CDH23: variants seen among roughly 807,000 people sequenced by gnomAD.
The protein encoded by CDH23 is cadherin related 23.
A neutral mutation model predicts 317.1 loss-of-function variants in CDH23; 189 were observed. The observed-to-expected ratio is 0.60, with a 90% CI of 0.53 to 0.67. The LOEUF (loss-of-function observed/expected upper bound fraction) is 0.67. Ranked by LOEUF, CDH23 falls within the 30% of genes least tolerant of loss-of-function variation. CDH23 has a pLI of 0.00. For missense variants in CDH23, 4,401 were observed against 4,592.4 expected (o/e 0.96, Z 1.20); for synonymous variants, 1,839 against 1,876.8 (o/e 0.98, Z 0.52).
Position 71,779,442 on chromosome 10 carries a change from C to T in CDH23, c.5363C>T (p.Pro1788Leu), listed in dbSNP as rs564555435. Residue 1788 changes from proline (P) to leucine (L), a missense_variant, in exon 41 of 70, where the codon CCT becomes CTT. Coordinates refer to ENST00000224721, the MANE Select transcript of CDH23 (RefSeq NM_022124.6). ...QVEYSIMDGD[P>L]LGEFVISPVE... ...GAGTACAGCATCATGGATGGAGACC[C>T]TCTGGGTGAGTGGGGCTTGGGGCAT... The T allele has an allele frequency of 1.1e-4, 182 of 1,600,664 alleles. No individual in the cohort carries two copies. The highest frequency in any genetic ancestry group is 1.0e-3 in the Middle Eastern group (6 of 6,028).
At chr10:71,461,206 A>G (rs7920981) in intron 3 of CDH23, among the ~76,000 whole-genome samples, 60,149 of 151,750 alleles carry the variant, frequency 0.4, 13,088 homozygotes, top group East Asian at 0.6. Flanking sequence ...CCAAACCACA[A>G]ACTCTTTGGA....
At position 71,646,521 on chromosome 10, in the gene CDH23, C is replaced by T; in HGVS notation, c.1353C>T (p.Ile451=). 6.2e-7 allele frequency: 1 copy of T among 1,613,946 alleles called. No individual in the cohort carries two copies. Among genetic ancestry groups the T allele is most frequent in the Non-Finnish European group, 8.5e-7 (1 of 1,179,886 alleles). Residue 451 remains isoleucine (I), a synonymous_variant, in exon 14 of 70, where the codon ATC becomes ATT. Coordinates refer to ENST00000224721, the MANE Select transcript of CDH23 (RefSeq NM_022124.6). The part of the protein sequence containing the change: ...VGYAKVKITL[I]NENDNRPIFS... ...ATGCCAAGGTGAAGATCACTCTCAT[C>T]AATGAAAATGACAACCGGCCCATCT...
intron 1 of CDH23, among the ~76,000 whole-genome samples, chr10:71,402,014 T>TA (rs1847803065): frequency 6.6e-6 from 1 of 152,232 alleles, no homozygotes; most frequent in Non-Finnish European, 1.5e-5. Flanking sequence ...CTGGCATATT[T>TA]AAAACGTAGC....
chr10:71,400,857 C>A (rs1847747545), intron 1 of CDH23, among the ~76,000 whole-genome samples: 1 of 152,160 alleles, frequency 6.6e-6, no homozygotes, highest in Admixed American at 6.5e-5. Context: ...TAATAAGTCT[C>A]ACTGTTTTCT....
chr10:71,690,686 C>A, intron 20 of CDH23, 102 bp downstream of exon 20: 1 of 743,104 alleles, frequency 1.3e-6, no homozygotes, highest in Non-Finnish European at 2.4e-6. Flanking sequence ...CCCTTCCTTT[C>A]AGTTTTGAGC....
intron 69 of CDH23, among the ~76,000 whole-genome samples, chr10:71,813,898 T>C (rs9415052): frequency 0.39 from 59,710 of 151,832 alleles, 12,338 homozygotes; most frequent in South Asian, 0.5. Flanking sequence ...AGAGTGAGAC[T>C]TGTCTCAAAA....
intron 11 of CDH23, among the ~76,000 whole-genome samples, chr10:71,640,981 GATGCCT>G (rs1191532518): frequency 6.6e-6 from 1 of 152,164 alleles, no homozygotes; most frequent in Non-Finnish European, 1.5e-5. Context: ...ATAGAATGCG[GATGCCT>G]ATGCTTCCAC....
intron 3 of CDH23, among the ~76,000 whole-genome samples, chr10:71,454,133 C>G (rs1850578829): frequency 6.6e-6 from 1 of 152,272 alleles, no homozygotes; most frequent in African/African-American, 2.4e-5. Context: ...ATCAAACATT[C>G]CCACTTTGAA....
intron 48 of CDH23, 98 bp downstream of exon 48, chr10:71,793,738 G>T: frequency 1.1e-6 from 1 of 931,326 alleles, no homozygotes; most frequent in South Asian, 1.8e-5. Flanking sequence ...TTTCTTTGCT[G>T]TTCCCTTGCT....
intron 11 of CDH23, among the ~76,000 whole-genome samples, chr10:71,626,363 T>A (rs1045663425): frequency 6.6e-6 from 1 of 152,244 alleles, no homozygotes; most frequent in South Asian, 2.1e-4. Context: ...CTGGCATCCT[T>A]AGCCTTAGCC....
In CDH23 at chr10:71,778,263, A is replaced by G; in HGVS notation, c.5142A>G (p.Thr1714=). 1 of 1,613,908 alleles carries G rather than the reference A, an allele frequency of 6.2e-7. No individual in the cohort carries two copies. The highest frequency in any genetic ancestry group is 8.5e-7 in the Non-Finnish European group (1 of 1,179,870). Residue 1714 remains threonine (T), a synonymous_variant, in exon 40 of 70, where the codon ACA becomes ACG. Transcript: ENST00000224721. ...GCTACACCCTGATCGTCACTGCCACAGACCAGTGCCCCATCTTATCCCACC... is the reference window on the plus strand; with the variant it reads ...GCTACACCCTGATCGTCACTGCCACGGACCAGTGCCCCATCTTATCCCACC... ...HGRYTLIVTA[T]DQCPILSHRL...
chr10:71,776,426 A>G (rs1430081666), intron 38 of CDH23, among the ~76,000 whole-genome samples: 4 of 152,244 alleles, frequency 2.6e-5, no homozygotes, highest in Non-Finnish European at 4.4e-5. Context: ...GCAATGGCCT[A>G]GTCACGTTCT....
intron 41 of CDH23, among the ~76,000 whole-genome samples, chr10:71,780,415 G>A (rs1362436152): frequency 6.6e-6 from 1 of 152,192 alleles, no homozygotes. Flanking sequence ...TTGTAGGTTG[G>A]CAAAAACCTG....
chr10:71,727,555 C>T (rs989999810), intron 30 of CDH23, among the ~76,000 whole-genome samples: 29 of 152,224 alleles, frequency 1.9e-4, no homozygotes, highest in Admixed American at 6.5e-4. Flanking sequence ...CATCCACATC[C>T]TCCAGTTCCT....
chr10:71,709,308 G>T (rs1156622690), intron 27 of CDH23, 97 bp downstream of exon 27: 2 of 1,060,896 alleles, frequency 1.9e-6, no homozygotes, highest in Admixed American at 4.4e-5. Flanking sequence ...GCTGAACTCT[G>T]CCCAGATGCC....
intron 9 of CDH23, among the ~76,000 whole-genome samples, chr10:71,600,088 C>G (rs191721135): frequency 2.7e-5 from 4 of 150,138 alleles, no homozygotes; most frequent in Admixed American, 2.0e-4. Context: ...CTGCAACCTC[C>G]GCCTCCCAGG....
In CDH23 at chr10:71,702,463, C is replaced by A. The variant is rs144705891; in HGVS notation, c.2588-86C>A. On this transcript the variant is annotated intron_variant, in intron 23 of 69. Transcript: ENST00000224721. Reference sequence around the variant, plus strand: ...GATGGAGGGCTCTGAATCTGCCACCCTCTCACCACTTGCCTTCTTCCTGTC... The same window carrying A: ...GATGGAGGGCTCTGAATCTGCCACCATCTCACCACTTGCCTTCTTCCTGTC... 3,147 of 1,544,376 alleles carry A rather than the reference C, an allele frequency of 2.0e-3. 27 individuals are homozygous for A. Among genetic ancestry groups the A allele is most frequent in the South Asian group, 0.018 (1,549 of 87,746 alleles).
intron 3 of CDH23, among the ~76,000 whole-genome samples, chr10:71,480,212 C>T (rs116899631): frequency 0.014 from 2,060 of 152,354 alleles, 26 homozygotes; most frequent in Non-Finnish European, 0.021. Flanking sequence ...TGAGGGGTTG[C>T]TCGAGATTCT....
intron 3 of CDH23, among the ~76,000 whole-genome samples, chr10:71,489,846 G>A (rs149488496): frequency 9.3e-4 from 142 of 152,238 alleles, no homozygotes; most frequent in African/African-American, 3.4e-3. Context: ...ATGCAGATGT[G>A]GGCCATTAGG....
Sources: allele counts gnomAD v4.1 joint callset (sites outside exome capture counted in the v4.1 genomes callset), GRCh38; gene constraint gnomAD v4.1.1; transcripts MANE v1.5; gene names NCBI Gene and HGNC (gene_info 2026-07-23, HGNC 2026-07-21).